The following RHBDL3 variants were observed in gnomAD, a reference collection of about 807,000 sequenced individuals.
RHBDL3 encodes the protein rhomboid like 3.
In RHBDL3, 28 loss-of-function variants were observed where a neutral mutation model predicts 48.2. That is an observed-to-expected ratio of 0.58 (90% confidence interval 0.43 to 0.80). The LOEUF is 0.80. Among genes scored for constraint, RHBDL3 ranks in the 30% least tolerant of loss-of-function variants. The pLI is 0.00. For synonymous variants in RHBDL3, 208 were observed against 232.3 expected (o/e 0.90, Z 0.95); for missense variants, 464 against 542.7 (o/e 0.85, Z 1.44).
At chr17:32,316,855 A>C (rs2040987751) in intron 8 of RHBDL3, among the ~76,000 whole-genome samples, 1 of 145,018 alleles carries the variant, frequency 6.9e-6, no homozygotes, top group Non-Finnish European at 1.5e-5. Flanking sequence ...TTTTATTTTT[A>C]TTTTATTTTA....
chr17:32,300,824 T>C (rs2040564891), intron 6 of RHBDL3, among the ~76,000 whole-genome samples: 1 of 151,838 alleles, frequency 6.6e-6, no homozygotes, highest in Non-Finnish European at 1.5e-5. Flanking sequence ...CAGATTTGCT[T>C]ACCTGAAAAG....
rs1272644210 is a variant in RHBDL3, at chr17:32,265,954, G to C, written c.-236G>C. On this transcript the variant is annotated 5_prime_UTR_variant, in exon 1 of 9. Coordinates refer to ENST00000269051, the MANE Select transcript of RHBDL3 (RefSeq NM_138328.3). ...CCGGGGCGGAGGCGGAGGCCGGCGG[G>C]GCAGCTAGCGCAGTGAAGTTTGGCG... Among the ~76,000 whole-genome samples, 5 of 146,812 alleles carry C rather than the reference G, an allele frequency of 3.4e-5. No homozygotes were observed. Among genetic ancestry groups the C allele is most frequent in the Non-Finnish European group, 7.6e-5 (5 of 65,922 alleles).
At chr17:32,283,392 G>T (rs930068598) in intron 2 of RHBDL3, among the ~76,000 whole-genome samples, 3 of 139,014 alleles carry the variant, frequency 2.2e-5, no homozygotes, top group Admixed American at 7.9e-5. Context: ...CGTGATCTCA[G>T]CTCACTGCAA....
At chr17:32,320,322 G>A (rs2041093418) in intron 8 of RHBDL3, among the ~76,000 whole-genome samples, 2 of 151,994 alleles carry the variant, frequency 1.3e-5, no homozygotes, top group South Asian at 4.1e-4. Context: ...GTTGGGGTCA[G>A]GGTTTTCTTT....
At chr17:32,284,879 A>G (rs1477416088) in intron 3 of RHBDL3, 62 bp downstream of exon 3, 1 of 1,407,256 alleles carries the variant, frequency 7.1e-7, no homozygotes, top group East Asian at 2.3e-5. Flanking sequence ...GCTTCCACAC[A>G]TTTAAAGGAT....
In RHBDL3 at chr17:32,321,866, C is replaced by G. The variant is rs2041142192; in HGVS notation, c.*637C>G. The G allele has an allele frequency of 6.2e-6, 1 of 161,384 alleles. No homozygotes were observed. The highest frequency in any genetic ancestry group is 5.7e-5 in the Admixed American group (1 of 17,440). 10.0% of individuals were successfully genotyped at this position (161,384 alleles called of 1,614,324 possible). A position where few individuals can be genotyped will look rare whatever the true frequency, so the allele number is the denominator to read the frequency against. ...GGAGCCTGTAGGCTCTAGGACCCCTCTTGTGCTGGGGGTACCCAGTGAGAG... is the reference window on the plus strand; with the variant it reads ...GGAGCCTGTAGGCTCTAGGACCCCTGTTGTGCTGGGGGTACCCAGTGAGAG... On this transcript the variant is annotated 3_prime_UTR_variant, in exon 9 of 9. Coordinates refer to ENST00000269051, the MANE Select transcript of RHBDL3 (RefSeq NM_138328.3).
At chr17:32,308,699 T>C (rs373747547) in intron 7 of RHBDL3, among the ~76,000 whole-genome samples, 2 of 152,360 alleles carry the variant, frequency 1.3e-5, no homozygotes, top group South Asian at 4.1e-4. Flanking sequence ...GGTTTCTCTT[T>C]GTCAAGAGGC....
intron 3 of RHBDL3, 97 bp downstream of exon 3, chr17:32,284,914 G>A (rs2040158360): frequency 9.0e-7 from 1 of 1,116,324 alleles, no homozygotes; most frequent in Non-Finnish European, 1.3e-6. Context: ...GGATCTGTTG[G>A]CCTGCAGCAT....
intron 2 of RHBDL3, among the ~76,000 whole-genome samples, chr17:32,277,814 A>T (rs900362113): frequency 2.6e-5 from 4 of 152,332 alleles, no homozygotes; most frequent in African/African-American, 9.6e-5. Context: ...TACTACGACC[A>T]AAGGTCAAAT....
At chr17:32,267,977 C>G (rs1283820837) in intron 2 of RHBDL3, 52 bp downstream of exon 2, 1 of 1,399,150 alleles carries the variant, frequency 7.1e-7, no homozygotes, top group African/African-American at 1.4e-5. Flanking sequence ...TGAAATCGGT[C>G]TCAGTCTCCC....
intron 7 of RHBDL3, among the ~76,000 whole-genome samples, chr17:32,310,836 A>T (rs1352892059): frequency 6.8e-6 from 1 of 147,674 alleles, no homozygotes; most frequent in East Asian, 2.0e-4. Flanking sequence ...GTGAGCCGAG[A>T]TCACACCACT....
At chr17:32,289,046 C>G (rs1266053533) in intron 4 of RHBDL3, 30 bp downstream of exon 4, 35 of 1,599,262 alleles carry the variant, frequency 2.2e-5, no homozygotes, top group Non-Finnish European at 3.0e-5. Context: ...GGGGGTTGCT[C>G]TGCCTTGGGG....
chr17:32,296,023 A>G (rs1217451613), intron 5 of RHBDL3, among the ~76,000 whole-genome samples: 1 of 151,966 alleles, frequency 6.6e-6, no homozygotes, highest in Non-Finnish European at 1.5e-5. Flanking sequence ...TCAGGAGATC[A>G]AGACCATCCT....
chr17:32,270,152 A>C (rs924018710), intron 2 of RHBDL3, among the ~76,000 whole-genome samples: 6 of 151,516 alleles, frequency 4.0e-5, no homozygotes, highest in East Asian at 3.9e-4. Flanking sequence ...AAAAAAAAAA[A>C]AAAAAGAAGC....
At chr17:32,314,670 C>G (rs2040928145) in intron 7 of RHBDL3, among the ~76,000 whole-genome samples, 1 of 152,166 alleles carries the variant, frequency 6.6e-6, no homozygotes, top group Non-Finnish European at 1.5e-5. Flanking sequence ...TGGGTGTCCG[C>G]CTTTGGGAAG....
Position 32,286,171 on chromosome 17 carries a change from C to T in RHBDL3, c.294+1354C>T, listed in dbSNP as rs193298089. ...CCAAAGGTTTGAGCCTGCCCAGGCT[C>T]ATCCACAGCCACAGCCCCAGCACCT... On this transcript the variant is annotated intron_variant, in intron 3 of 8. Coordinates refer to ENST00000269051, the MANE Select transcript of RHBDL3 (RefSeq NM_138328.3). Among the ~76,000 whole-genome samples, 791 of 152,338 alleles carry T rather than the reference C, an allele frequency of 5.2e-3. 11 individuals are homozygous for T. The highest frequency in any genetic ancestry group is 0.018 in the African/African-American group (739 of 41,584).
chr17:32,300,747 T>C (rs2040562409), intron 6 of RHBDL3, among the ~76,000 whole-genome samples: 1 of 152,218 alleles, frequency 6.6e-6, no homozygotes, highest in African/African-American at 2.4e-5. Context: ...TGCTCATCAC[T>C]GCTGTCCTAT....
intron 2 of RHBDL3, among the ~76,000 whole-genome samples, chr17:32,272,536 T>A (rs9915731): frequency 0.33 from 50,545 of 152,038 alleles, 9,026 homozygotes; most frequent in African/African-American, 0.47. Context: ...AGCCACGGGC[T>A]TAACTGGAGC....
chr17:32,292,021 C>T (rs753656024), intron 4 of RHBDL3, among the ~76,000 whole-genome samples: 1 of 152,048 alleles, frequency 6.6e-6, no homozygotes, highest in Non-Finnish European at 1.5e-5. Context: ...CTGCCCGCCT[C>T]GGCCTCCCAA....
Sources: gnomAD v4.1 joint callset for allele counts (sites outside exome capture counted in the v4.1 genomes callset) on GRCh38, gnomAD v4.1.1 for gene constraint, MANE v1.5 for transcripts, NCBI Gene and HGNC (gene_info 2026-07-23, HGNC 2026-07-21) for gene names.